ZNF14: variants seen among roughly 807,000 people sequenced by gnomAD.
ZNF14 encodes the protein zinc finger protein 14.
Under a neutral mutation model 11.3 loss-of-function variants are expected in ZNF14, and 9 were observed. The ratio of observed to expected loss-of-function variants is 0.80; its 90% CI spans 0.48 to 1.39. The LOEUF is 1.39. Among genes scored for constraint, ZNF14 ranks in the 40% most tolerant of loss-of-function variants. The probability of loss-of-function intolerance (pLI) is 0.00; values close to 1 mark genes in which losing one functional copy is unlikely to be tolerated. For missense variants in ZNF14, 711 were observed against 763.9 expected, an observed-to-expected ratio of 0.93 and a Z score of 0.82; for synonymous variants, 239 against 245.7, an observed-to-expected ratio of 0.97 and a Z score of 0.25.
chr19:19,732,149 G>A (rs1477709977), intron 1 of ZNF14, among the ~76,000 whole-genome samples: 4 of 152,160 alleles, frequency 2.6e-5, no homozygotes, highest in Non-Finnish European at 5.9e-5. Context: ...CAACATAGGC[G>A]AAATCTCTTG....
Position 19,724,936 on chromosome 19 carries a change from AG to A in ZNF14, c.3+8019del, listed in dbSNP as rs1233272928. On this transcript the variant is annotated intron_variant, in intron 1 of 3. Coordinates refer to ENST00000344099, the MANE Select transcript of ZNF14 (RefSeq NM_021030.3). ...TTTGTTTGTTTTCCATTTGGTTGGT[AG>A]ATCTTCCTTTGTCCCTTTATCTTGA... 1.2e-4 allele frequency among the ~76,000 whole-genome samples: 16 copies of A among 133,274 alleles called. 3 individuals are homozygous for A. Among genetic ancestry groups the A allele is most frequent in the African/African-American group, 4.4e-4 (16 of 35,984 alleles). 87.4% of individuals were successfully genotyped at this position (133,274 alleles called of 152,430 possible).
intron 1 of ZNF14, among the ~76,000 whole-genome samples, chr19:19,729,319 CTTTT>C (rs10717958): frequency 2.2e-5 from 3 of 137,776 alleles, no homozygotes; most frequent in African/African-American, 2.7e-5. Flanking sequence ...ACACACACAA[CTTTT>C]TTTTTTTTTT....
At position 19,711,491 on chromosome 19, in the gene ZNF14, C is replaced by G. The variant is rs1568447814; in HGVS notation, c.1790G>C (p.Arg597Thr). ...YRCKQCGKAF[R>T]FSSSVRIHER... is the part of the protein sequence containing the mutation. ...ATGAATTCGAACAGAACTTGAAAAT[C>G]TGAAGGCTTTCCCACATTGTTTACA... The change falls in exon 4 of 4, where the codon AGA becomes ACA. Residue 597 changes from arginine (R) to threonine (T), a missense_variant. Physicochemically the swap from Arg to Thr is moderately conservative, Grantham distance 71 (BLOSUM62 -1). Coordinates refer to ENST00000344099, the MANE Select transcript of ZNF14 (RefSeq NM_021030.3). 5 of 1,613,470 alleles carry G rather than the reference C, an allele frequency of 3.1e-6. No homozygotes were observed. The highest frequency in any genetic ancestry group is 2.2e-5 in the East Asian group (1 of 44,822).
At chr19:19,731,300 C>T (rs986461470) in intron 1 of ZNF14, among the ~76,000 whole-genome samples, 1 of 152,146 alleles carries the variant, frequency 6.6e-6, no homozygotes, top group Non-Finnish European at 1.5e-5. Context: ...ATCAGCCAGG[C>T]GCGGTGGCTC....
chr19:19,718,791 T>C (rs1568449844), intron 1 of ZNF14, among the ~76,000 whole-genome samples: 1 of 152,006 alleles, frequency 6.6e-6, no homozygotes, highest in East Asian at 1.9e-4. Context: ...TTTGAGACAT[T>C]GTCACACTCT....
rs143590849 is a variant in ZNF14, at chr19:19,714,874, A to C, written c.4-387T>G. Reference sequence around the variant, plus strand: ...CTACAGGTGTGTACCATACCTATCTAATTTTTTGTATTTTTAGTAGAGACG... The same window carrying C: ...CTACAGGTGTGTACCATACCTATCTCATTTTTTGTATTTTTAGTAGAGACG... On this transcript the variant is annotated intron_variant, in intron 1 of 3. Coordinates refer to ENST00000344099, the MANE Select transcript of ZNF14 (RefSeq NM_021030.3). 6.6e-5 allele frequency among the ~76,000 whole-genome samples: 10 copies of C among 151,438 alleles called. No homozygotes were observed. The East Asian group carries it at 2.0e-3, about 30-fold the overall frequency.
In ZNF14 at chr19:19,712,678, T is replaced by C. The variant is rs2062365343; in HGVS notation, c.603A>G (p.Gln201=). The C allele has an allele frequency of 6.2e-7, 1 of 1,613,954 alleles. No homozygotes were observed. The highest frequency in any genetic ancestry group is 8.5e-7 in the Non-Finnish European group (1 of 1,179,976). The part of the protein sequence containing the change: ...HAGQKPYECK[Q]CGKTFIYYQS... ...GGTAATATATAAAGGTTTTTCCACA[T>C]TGCTTACATTCATAGGGTTTCTGTC... The change falls in exon 4 of 4, where the codon CAA becomes CAG. Residue 201 remains glutamine (Q), a synonymous_variant. Transcript: ENST00000344099.
intron 1 of ZNF14, among the ~76,000 whole-genome samples, chr19:19,732,422 C>T (rs1249042706): frequency 6.6e-6 from 1 of 152,168 alleles, no homozygotes; most frequent in Non-Finnish European, 1.5e-5. Context: ...GAAAAGAAAG[C>T]CCACATTCAG....
chr19:19,719,600 T>C (rs141362117), intron 1 of ZNF14, among the ~76,000 whole-genome samples: 24 of 152,186 alleles, frequency 1.6e-4, no homozygotes, highest in African/African-American at 5.8e-4. Flanking sequence ...AAAACTATAA[T>C]TGATGTGCTA....
intron 1 of ZNF14, among the ~76,000 whole-genome samples, chr19:19,729,568 G>A (rs1005450747): frequency 2.0e-5 from 3 of 152,152 alleles, no homozygotes; most frequent in South Asian, 2.1e-4. Context: ...CACTCATCTC[G>A]GTTTCTCAAA....
rs150668126 is a variant in ZNF14, at chr19:19,711,642, G to A, written c.1639C>T (p.Arg547Ter). Residue 547 changes from arginine (R) to a stop codon, truncating the protein, a stop_gained, in exon 4 of 4, where the codon CGA becomes TGA. Transcript: ENST00000344099. LOFTEE classifies it low-confidence loss of function (END_TRUNC). ...CCAGTGTGAGTCCTTTCATGCAATC[G>A]AATTTGACTGGAACGAAGGAAGGCC... ...GKAFLRSSQI[R>*]LHERTHTGEK... 4.2e-5 allele frequency: 67 copies of A among 1,614,092 alleles called. No individual in the cohort carries two copies. The South Asian group carries it at 5.9e-4, about 14-fold the overall frequency.
chr19:19,726,558 G>C lies in ZNF14; in HGVS notation c.3+6398C>G, dbSNP rs2062406789. On this transcript the variant is annotated intron_variant, in intron 1 of 3. Coordinates refer to ENST00000344099, the MANE Select transcript of ZNF14 (RefSeq NM_021030.3). ...AGGGACCCATTTGAGGAGGCAGTCT[G>C]TCCGTTCTCAGATCTCAAAATCCAT... Among the ~76,000 whole-genome samples the C allele has an allele frequency of 1.5e-5, 2 of 133,974 alleles. 1 individual carries two copies. The highest frequency in any genetic ancestry group is 4.9e-4 in the South Asian group (2 of 4,106). 87.9% of individuals were successfully genotyped at this position (133,974 alleles called of 152,430 possible).
rs1017888914 is a variant in ZNF14 at position 19,711,040 on chromosome 19, G to A, written c.*312C>T. The A allele has an allele frequency of 4.0e-6, 1 of 247,708 alleles. No individual in the cohort carries two copies. Among genetic ancestry groups the A allele is most frequent in the African/African-American group, 2.3e-5 (1 of 44,304 alleles). 15.3% of individuals were successfully genotyped at this position (247,708 alleles called of 1,614,324 possible). On this transcript the variant is annotated 3_prime_UTR_variant, in exon 4 of 4. Transcript: ENST00000344099. The stretch of plus-strand genomic sequence containing the variant: ...CTGCCTTGCACCTTGGCCTCCCAAA[G>A]TGCTGGGACTATAGGCATGAGCCAA...
intron 1 of ZNF14, among the ~76,000 whole-genome samples, chr19:19,723,591 G>A (rs910408849): frequency 4.6e-4 from 69 of 150,840 alleles, no homozygotes; most frequent in African/African-American, 1.7e-3. Context: ...GATGATGCTG[G>A]CCTCATAAAA....
intron 1 of ZNF14, among the ~76,000 whole-genome samples, chr19:19,729,496 C>T (rs1028618619): frequency 1.3e-5 from 2 of 150,398 alleles, no homozygotes; most frequent in African/African-American, 4.9e-5. Flanking sequence ...TTTGTATTTT[C>T]AGGAGAGACA....
At position 19,720,539 on chromosome 19, in the gene ZNF14, C is replaced by T. The variant is rs556069815; in HGVS notation, c.4-6052G>A. Among the ~76,000 whole-genome samples the T allele has an allele frequency of 5.9e-5, 9 of 152,080 alleles. No individual in the cohort carries two copies. The highest frequency in any genetic ancestry group is 3.9e-4 in the East Asian group (2 of 5,162). ...TGTATTTTTAGTAGAGACGGGGTTT[C>T]GCCATGTTGGCCAGGCTGGTCTCAA... On this transcript the variant is annotated intron_variant, in intron 1 of 3. Coordinates refer to ENST00000344099, the MANE Select transcript of ZNF14 (RefSeq NM_021030.3). This position sits in a 1 kb window ranked among gnomAD's most constrained non-coding sequence, Gnocchi z 4.1.
intron 1 of ZNF14, among the ~76,000 whole-genome samples, chr19:19,715,955 C>G (rs1279846398): frequency 2.0e-5 from 3 of 152,192 alleles, no homozygotes; most frequent in Non-Finnish European, 4.4e-5. Flanking sequence ...TCCTTTTTCT[C>G]TCTCTCACAT....
chr19:19,714,337 G>A (rs747877791), intron 2 of ZNF14, 24 bp downstream of exon 2: 2 of 1,612,952 alleles, frequency 1.2e-6, no homozygotes, highest in Non-Finnish European at 1.7e-6. Flanking sequence ...ATTTAACTGA[G>A]GAAAGAAATG....
At chr19:19,722,703 G>A (rs909928447) in intron 1 of ZNF14, among the ~76,000 whole-genome samples, 2 of 152,206 alleles carry the variant, frequency 1.3e-5, no homozygotes, top group Non-Finnish European at 2.9e-5. Context: ...TCCTATCCAT[G>A]AGCATGGAAT....
Sources: gnomAD v4.1 joint callset for allele counts (sites outside exome capture counted in the v4.1 genomes callset) on GRCh38, gnomAD v4.1.1 for gene constraint, Gnocchi (gnomAD v3.1) non-coding constraint, MANE v1.5 for transcripts, NCBI Gene and HGNC (gene_info 2026-07-23, HGNC 2026-07-21) for gene names.